Variants in NRXN3 observed in about 807,000 individuals in gnomAD.
NRXN3 encodes the protein neurexin 3.
A neutral mutation model predicts 137.6 loss-of-function variants in NRXN3; 32 were observed. The ratio of observed to expected loss-of-function variants is 0.23; its 90% CI spans 0.18 to 0.31. The LOEUF (loss-of-function observed/expected upper bound fraction) is 0.31. Ranked by LOEUF, NRXN3 falls within the 10% of genes least tolerant of loss-of-function variation. The probability of loss-of-function intolerance (pLI) is 1.00; values close to 1 mark genes in which losing one functional copy is unlikely to be tolerated. For missense variants in NRXN3, 1,574 were observed against 2,062.5 expected (o/e 0.76, Z 4.59); for synonymous variants, 798 against 784.5 (o/e 1.02, Z -0.29).
At chr14:78,567,442 G>T (rs1442707900) in intron 4 of NRXN3, among the ~76,000 whole-genome samples, 1 of 152,120 alleles carries the variant, frequency 6.6e-6, no homozygotes, top group Non-Finnish European at 1.5e-5. Context: ...TCCATCTCTG[G>T]ATCTTCAGCC....
At chr14:78,825,574 CT>C (rs1456687477) in intron 10 of NRXN3, among the ~76,000 whole-genome samples, 1 of 152,216 alleles carries the variant, frequency 6.6e-6, no homozygotes, top group Non-Finnish European at 1.5e-5. Context: ...CATGGATGTT[CT>C]TATAGCCTTG....
intron 1 of NRXN3, among the ~76,000 whole-genome samples, chr14:78,189,569 G>C (rs979168149): frequency 3.3e-5 from 5 of 151,928 alleles, no homozygotes; most frequent in African/African-American, 1.2e-4. Flanking sequence ...CCTTTGTCCC[G>C]GCAATTTTCC....
intron 4 of NRXN3, chr14:78,403,612 C>A: frequency 1.6e-6 from 1 of 606,920 alleles, no homozygotes. Context: ...GTGCAGGTTT[C>A]TAATTGCCGG....
intron 4 of NRXN3, among the ~76,000 whole-genome samples, chr14:78,587,411 A>T (rs2097075915): frequency 6.6e-6 from 1 of 152,144 alleles, no homozygotes; most frequent in Non-Finnish European, 1.5e-5. Flanking sequence ...TTAATGTGTG[A>T]CCTTTGGCAG....
At chr14:79,325,924 TAAAAA>T (rs925924160) in intron 15 of NRXN3, among the ~76,000 whole-genome samples, 12 of 151,488 alleles carry the variant, frequency 7.9e-5, no homozygotes, top group Non-Finnish European at 1.6e-4. Flanking sequence ...AAGGAAAAAA[TAAAAA>T]ATAAAAAAAA....
At chr14:78,527,312 C>A (rs12883210) in intron 4 of NRXN3, among the ~76,000 whole-genome samples, 3 of 152,102 alleles carry the variant, frequency 2.0e-5, no homozygotes, top group Non-Finnish European at 2.9e-5. Context: ...CATGGCAGAA[C>A]GAAAGGGGGA....
chr14:79,544,318 C>A (rs934184851), intron 16 of NRXN3, among the ~76,000 whole-genome samples: 1 of 152,144 alleles, frequency 6.6e-6, no homozygotes, highest in South Asian at 2.1e-4. Context: ...AGTTCATTAA[C>A]AGTATTATGT....
intron 2 of NRXN3, among the ~76,000 whole-genome samples, chr14:78,261,138 C>T (rs2070642577): frequency 6.6e-6 from 1 of 152,190 alleles, no homozygotes; most frequent in South Asian, 2.1e-4. Flanking sequence ...CTCTCTCTCA[C>T]CCCCTATTCA....
At chr14:78,487,730 G>A (rs2095586884) in intron 4 of NRXN3, among the ~76,000 whole-genome samples, 1 of 147,508 alleles carries the variant, frequency 6.8e-6, no homozygotes, top group Non-Finnish European at 1.5e-5. Context: ...CCACAAGAGT[G>A]AAACTCCATC....
At chr14:79,467,187 G>A in intron 15 of NRXN3, 34 bp from the exon 16 acceptor site, 1 of 1,573,880 alleles carries the variant, frequency 6.4e-7, no homozygotes, top group Middle Eastern at 1.7e-4. Context: ...GCAATGTAGT[G>A]CCTTGATGTC....
intron 4 of NRXN3, among the ~76,000 whole-genome samples, chr14:78,527,228 A>T (rs950917288): frequency 6.6e-6 from 1 of 152,230 alleles, no homozygotes; most frequent in Non-Finnish European, 1.5e-5. Context: ...TAATTGGCTC[A>T]TGGTACTGCA....
intron 20 of NRXN3, among the ~76,000 whole-genome samples, chr14:79,835,084 G>A (rs1401438573): frequency 1.3e-5 from 2 of 151,994 alleles, no homozygotes; most frequent in Non-Finnish European, 2.9e-5. Context: ...AGCATAATAG[G>A]GGGACTAAGT....
At chr14:78,959,041 A>G (rs1326239272) in intron 11 of NRXN3, among the ~76,000 whole-genome samples, 2 of 152,230 alleles carry the variant, frequency 1.3e-5, no homozygotes, top group Non-Finnish European at 2.9e-5. Context: ...CCTTTCCAGC[A>G]TGAATATTCT....
chr14:78,530,995 C>G (rs2096454362), intron 4 of NRXN3, among the ~76,000 whole-genome samples: 1 of 152,286 alleles, frequency 6.6e-6, no homozygotes, highest in Admixed American at 6.5e-5. Flanking sequence ...TTGTCTTCTC[C>G]TGGACTCTGT....
At chr14:79,782,974 T>C (rs964705129) in intron 19 of NRXN3, among the ~76,000 whole-genome samples, 4 of 152,204 alleles carry the variant, frequency 2.6e-5, no homozygotes, top group African/African-American at 9.6e-5. Flanking sequence ...TGGCATTCAA[T>C]GTTCACTTAC....
intron 15 of NRXN3, among the ~76,000 whole-genome samples, chr14:79,034,671 A>AT (rs1313011433): frequency 2.0e-5 from 3 of 152,078 alleles, no homozygotes; most frequent in Non-Finnish European, 4.4e-5. Flanking sequence ...ACATAATAAC[A>AT]TTTTTCTGAG....
rs140907035 is a variant in NRXN3 at position 78,645,154 on chromosome 14, A to T, written c.792A>T (p.Ser264=). 639 of 1,582,336 alleles carry T rather than the reference A, an allele frequency of 4.0e-4. 1 individual carries two copies. The African/African-American group carries it at 7.5e-3, about 19-fold the overall frequency. ...REENVATFRG[S]EYLCYDLSQN... Reference sequence around the variant, plus strand: ...AGAATGTGGCCACTTTCCGAGGCTCAGAGTATCTGTGCTACGACCTGTCTC... The same window carrying T: ...AGAATGTGGCCACTTTCCGAGGCTCTGAGTATCTGTGCTACGACCTGTCTC... Residue 264 remains serine (S), a synonymous_variant, in exon 5 of 21, where the codon TCA becomes TCT. Transcript: ENST00000335750.
chr14:79,669,786 C>T (rs989192883), intron 17 of NRXN3, among the ~76,000 whole-genome samples: 1 of 151,956 alleles, frequency 6.6e-6, no homozygotes, highest in African/African-American at 2.4e-5. Context: ...CAGGCACCAC[C>T]CCGTACCTGC....
At chr14:78,307,956 C>A (rs1233050534) in intron 4 of NRXN3, among the ~76,000 whole-genome samples, 2 of 151,942 alleles carry the variant, frequency 1.3e-5, no homozygotes, top group Non-Finnish European at 2.9e-5. Context: ...CTCTTTTTTT[C>A]CCCCAACCCA....
Sources: gnomAD v4.1 joint callset for allele counts (sites outside exome capture counted in the v4.1 genomes callset) on GRCh38, gnomAD v4.1.1 for gene constraint, MANE v1.5 for transcripts, NCBI Gene and HGNC (gene_info 2026-07-23, HGNC 2026-07-21) for gene names.